BABAM2: variants seen among roughly 807,000 people sequenced by gnomAD.
BABAM2 encodes the protein BRISC and BRCA1 A complex member 2, also known as BRISC and BRCA1-A complex member 2.
In BABAM2, 31 loss-of-function variants were observed where a neutral mutation model predicts 54.7. The ratio of observed to expected loss-of-function variants is 0.57; its 90% confidence interval spans 0.43 to 0.77. The LOEUF is 0.77. Ranked by LOEUF, BABAM2 falls within the 30% of genes least tolerant of loss-of-function variation. The pLI is 0.00. For missense variants in BABAM2, 364 were observed against 455.8 expected (o/e 0.80, Z 1.83); for synonymous variants, 167 against 162.9 (o/e 1.03, Z -0.19).
chr2:28,143,274 T>C (rs556761737), intron 7 of BABAM2, among the ~76,000 whole-genome samples: 1 of 152,196 alleles, frequency 6.6e-6, no homozygotes, highest in African/African-American at 2.4e-5. Context: ...TGATCTCACT[T>C]ATATGTGGAA....
chr2:28,249,093 T>G (rs534844183), intron 10 of BABAM2, among the ~76,000 whole-genome samples: 4 of 151,306 alleles, frequency 2.6e-5, no homozygotes, highest in Admixed American at 2.6e-4. Context: ...GCTTGTTTTT[T>G]TTTTTTTTTT....
intron 3 of BABAM2, among the ~76,000 whole-genome samples, chr2:27,945,985 C>T (rs1043839621): frequency 3.9e-5 from 6 of 151,958 alleles, no homozygotes; most frequent in African/African-American, 1.4e-4. Context: ...TTTGTATCTT[C>T]CTTTCCAATC....
rs117207540 is a variant in BABAM2 at position 27,914,441 on chromosome 2, C to T, written c.129-15391C>T. ...GCTGCTATCATGGATTTGTGTCCTT[C>T]CCTGTCTTTTTTGGCTTCTTCTGAA... On this transcript the variant is annotated intron_variant, in intron 2 of 11. Transcript: ENST00000379624. 3.4e-4 allele frequency among the ~76,000 whole-genome samples: 52 copies of T among 152,312 alleles called. 2 individuals carry two copies. The East Asian group carries it at 0.01, about 29-fold the overall frequency.
intron 11 of BABAM2, among the ~76,000 whole-genome samples, chr2:28,299,623 A>G (rs1284144836): frequency 6.6e-6 from 1 of 152,198 alleles, no homozygotes; most frequent in African/African-American, 2.4e-5. Context: ...ATTGTGCTCA[A>G]TGCTAGGAAT....
chr2:28,197,948 G>A (rs1677790602), intron 7 of BABAM2, among the ~76,000 whole-genome samples: 1 of 152,252 alleles, frequency 6.6e-6, no homozygotes, highest in African/African-American at 2.4e-5. Flanking sequence ...TTAGGTGTAG[G>A]AGACAGGAGC....
chr2:27,915,044 T>C (rs1349384633), intron 2 of BABAM2, among the ~76,000 whole-genome samples: 2 of 152,046 alleles, frequency 1.3e-5, no homozygotes, highest in East Asian at 3.9e-4. Flanking sequence ...CTGTGTAACA[T>C]GAGAGGCATG....
intron 3 of BABAM2, among the ~76,000 whole-genome samples, chr2:27,963,833 G>T (rs1670653158): frequency 6.6e-6 from 1 of 152,162 alleles, no homozygotes; most frequent in Non-Finnish European, 1.5e-5. Context: ...ACATTTTTCT[G>T]AGTGATATAA....
intron 7 of BABAM2, among the ~76,000 whole-genome samples, chr2:28,196,964 C>T (rs1468829606): frequency 2.0e-5 from 3 of 149,184 alleles, no homozygotes; most frequent in Non-Finnish European, 4.4e-5. Context: ...CCCACCTTGG[C>T]CTCCCGAATA....
chr2:27,967,183 C>G (rs971405093), intron 3 of BABAM2, among the ~76,000 whole-genome samples: 1 of 152,168 alleles, frequency 6.6e-6, no homozygotes, highest in Non-Finnish European at 1.5e-5. Context: ...TACGGTTTGG[C>G]TGTGTCCCCA....
Position 28,261,629 on chromosome 2 carries a change from C to T in BABAM2, c.934+16767C>T, listed in dbSNP as rs950266378. Among the ~76,000 whole-genome samples, 11 of 152,266 alleles carry T rather than the reference C, an allele frequency of 7.2e-5. 1 individual carries two copies. In the South Asian group the frequency reaches 1.7e-3, roughly 23 times the overall value. ...CTGGGATTACAGGCGTGAGCCACCG[C>T]GCCCGGCCAATTACTTAGAATTTTT... On this transcript the variant is annotated intron_variant, in intron 10 of 11. Transcript: ENST00000379624.
At chr2:28,190,697 G>C (rs941088817) in intron 7 of BABAM2, among the ~76,000 whole-genome samples, 1 of 151,986 alleles carries the variant, frequency 6.6e-6, no homozygotes, top group African/African-American at 2.4e-5. Flanking sequence ...AAAAAACAAG[G>C]GGGGGGCGGT....
At chr2:27,902,128 A>G (rs1019370992) in intron 2 of BABAM2, among the ~76,000 whole-genome samples, 10 of 152,206 alleles carry the variant, frequency 6.6e-5, no homozygotes, top group Admixed American at 1.3e-4. Context: ...AGAATGCCAC[A>G]GTGAACATTC....
At chr2:28,229,776 G>T (rs1431184740) in intron 7 of BABAM2, among the ~76,000 whole-genome samples, 2 of 151,840 alleles carry the variant, frequency 1.3e-5, no homozygotes, top group East Asian at 3.9e-4. Flanking sequence ...TAGTAGAGAC[G>T]GGGTTTCACC....
intron 3 of BABAM2, among the ~76,000 whole-genome samples, chr2:27,973,718 CT>C (rs1054812432): frequency 1.3e-5 from 2 of 152,092 alleles, no homozygotes; most frequent in African/African-American, 4.8e-5. Flanking sequence ...CAGGCTTATC[CT>C]TGAGCTTCAC....
chr2:27,948,023 A>G (rs1019956214), intron 3 of BABAM2, among the ~76,000 whole-genome samples: 1 of 152,070 alleles, frequency 6.6e-6, no homozygotes. Flanking sequence ...CAGGTGGTAT[A>G]TATCCTCCAA....
At chr2:28,290,317 A>G (rs1572353577) in intron 10 of BABAM2, among the ~76,000 whole-genome samples, 1 of 146,768 alleles carries the variant, frequency 6.8e-6, no homozygotes, top group African/African-American at 2.7e-5. Context: ...TTTTACACAC[A>G]TGTGGTAGTT....
intron 2 of BABAM2, among the ~76,000 whole-genome samples, chr2:27,928,162 C>T (rs1022163335): frequency 2.0e-5 from 3 of 152,110 alleles, no homozygotes; most frequent in Non-Finnish European, 2.9e-5. Context: ...ACTACAGGTG[C>T]GTGCCACCAT....
In BABAM2 at chr2:28,244,761, G is replaced by T; in HGVS notation, c.852-19G>T. 6.2e-7 allele frequency: 1 copy of T among 1,603,442 alleles called. No individual in the cohort carries two copies. Among genetic ancestry groups the T allele is most frequent in the Non-Finnish European group, 8.5e-7 (1 of 1,172,934 alleles). Reference sequence around the variant, plus strand: ...ATGAGGGTTTTTTTTGTTTGTGTGTGTATGTTTTTATTACTTAGAGGTGTC... The same window carrying T: ...ATGAGGGTTTTTTTTGTTTGTGTGTTTATGTTTTTATTACTTAGAGGTGTC... On this transcript the variant is annotated intron_variant, in intron 9 of 11. Coordinates refer to ENST00000379624, the MANE Select transcript of BABAM2 (RefSeq NM_199191.3).
intron 2 of BABAM2, among the ~76,000 whole-genome samples, chr2:27,900,902 G>A (rs1161955694): frequency 6.6e-6 from 1 of 151,958 alleles, no homozygotes; most frequent in Non-Finnish European, 1.5e-5. Flanking sequence ...AATTAGCCGG[G>A]CATGGTAGCG....
Sources: allele counts gnomAD v4.1 joint callset (sites outside exome capture counted in the v4.1 genomes callset), GRCh38; gene constraint gnomAD v4.1.1; transcripts MANE v1.5; gene names NCBI Gene and HGNC (gene_info 2026-07-23, HGNC 2026-07-21).